The following DOCK1 variants were observed in gnomAD, a reference collection of about 807,000 sequenced individuals.
The protein encoded by DOCK1 is dedicator of cytokinesis protein 1.
DOCK1 carries 138 observed loss-of-function variants against 262.7 expected under a neutral mutation model. The observed-to-expected ratio is 0.53, with a 90% CI of 0.46 to 0.61. The LOEUF is 0.61. DOCK1 is among the 20% of genes least tolerant of loss of function. The pLI is 0.00. For missense variants in DOCK1, 1,908 were observed against 2,370.7 expected, an observed-to-expected ratio of 0.80 and a Z score of 4.05; for synonymous variants, 866 against 867.4, an observed-to-expected ratio of 1.00 and a Z score of 0.03.
chr10:127,410,805 G>C (rs2067801034), intron 42 of DOCK1, 35 bp from the exon 43 acceptor site: 2 of 1,602,276 alleles, frequency 1.2e-6, no homozygotes, highest in Non-Finnish European at 8.5e-7. Flanking sequence ...TATTTGCCGG[G>C]TTAAATATCT....
chr10:126,930,773 G>A (rs967495816), intron 1 of DOCK1, among the ~76,000 whole-genome samples: 1 of 152,246 alleles, frequency 6.6e-6, no homozygotes, highest in Admixed American at 6.5e-5. Context: ...GATTGCATTA[G>A]CCATGGCAGA....
chr10:126,939,531 A>C (rs1374142716), intron 1 of DOCK1, among the ~76,000 whole-genome samples: 1 of 152,198 alleles, frequency 6.6e-6, no homozygotes, highest in African/African-American at 2.4e-5. Flanking sequence ...TTTTACTTTA[A>C]CTTAAAGTTA....
intron 13 of DOCK1, among the ~76,000 whole-genome samples, chr10:127,019,487 G>T (rs1437252683): frequency 6.6e-6 from 1 of 152,132 alleles, no homozygotes; most frequent in Non-Finnish European, 1.5e-5. Context: ...AGTGGCTCAT[G>T]CCTGTAATCC....
chr10:126,987,627 T>C lies in DOCK1; in HGVS notation c.324+10T>C, dbSNP rs1476007337. On this transcript the variant is annotated intron_variant, in intron 5 of 51. Transcript: ENST00000623213. ...GAGGCAGCTCTACGTGGTGAGAAAA[T>C]GAGATATTCATTCAAAGCTTAGAAA... is the stretch of plus-strand genomic sequence containing the variant. 19 of 1,548,584 alleles carry C rather than the reference T, an allele frequency of 1.2e-5. No individual in the cohort carries two copies. The highest frequency in any genetic ancestry group is 1.7e-5 in the Non-Finnish European group (19 of 1,144,422).
At chr10:126,966,506 C>G (rs936983555) in intron 1 of DOCK1, among the ~76,000 whole-genome samples, 89,685 of 152,020 alleles carry the variant, frequency 0.59, 27,154 homozygotes, top group African/African-American at 0.72. Flanking sequence ...ATATTCCCAC[C>G]GAGTGTCTAA....
intron 27 of DOCK1, among the ~76,000 whole-genome samples, chr10:127,212,474 C>G (rs1293834093): frequency 2.0e-5 from 3 of 152,154 alleles, no homozygotes; most frequent in Non-Finnish European, 2.9e-5. Flanking sequence ...CTCTAGTATT[C>G]AAAGCCTTTG....
chr10:127,109,740 T>C (rs1028685005), intron 24 of DOCK1, among the ~76,000 whole-genome samples: 1 of 152,228 alleles, frequency 6.6e-6, no homozygotes, highest in Non-Finnish European at 1.5e-5. Flanking sequence ...GTGGCTATAC[T>C]GCATTTTGTT....
At chr10:127,008,916 G>T (rs1052962893) in intron 11 of DOCK1, 112 bp downstream of exon 11, 2 of 1,102,650 alleles carry the variant, frequency 1.8e-6, no homozygotes, top group Admixed American at 5.4e-5. Context: ...TGATTATTTT[G>T]TAATTATGAA....
At chr10:127,116,778 A>C (rs552442270) in intron 25 of DOCK1, among the ~76,000 whole-genome samples, 1 of 152,184 alleles carries the variant, frequency 6.6e-6, no homozygotes, top group Non-Finnish European at 1.5e-5. Flanking sequence ...AGAAGGAAAA[A>C]TTGGGGTTGG....
At chr10:127,292,037 CTG>C (rs1242027174) in intron 29 of DOCK1, among the ~76,000 whole-genome samples, 3 of 152,172 alleles carry the variant, frequency 2.0e-5, no homozygotes, top group African/African-American at 7.2e-5. Flanking sequence ...CTTGGAAAGT[CTG>C]TGTGTCCAAA....
At position 127,361,106 on chromosome 10, in the gene DOCK1, C is replaced by CTTTTTT. The variant is rs1175942298; in HGVS notation, c.3284-938_3284-933dup. Reference sequence around the variant, plus strand: ...GTGAAATGAGATTAATAAAGTAGTTCTTTTTTTTTTTTTTTTTTTTTTTTT... The same window carrying CTTTTTT: ...GTGAAATGAGATTAATAAAGTAGTTCTTTTTTTTTTTTTTTTTTTTTTTTTTTTTTT... On this transcript the variant is annotated intron_variant, in intron 32 of 51. Coordinates refer to ENST00000623213, the MANE Select transcript of DOCK1 (RefSeq NM_001290223.2). 4.1e-4 allele frequency among the ~76,000 whole-genome samples: 36 copies of CTTTTTT among 87,426 alleles called. 1 individual carries two copies. Among genetic ancestry groups the CTTTTTT allele is most frequent in the African/African-American group, 9.1e-4 (19 of 20,814 alleles). 57.4% of individuals were successfully genotyped at this position (87,426 alleles called of 152,430 possible).
chr10:127,074,564 G>C (rs1490801218), intron 23 of DOCK1, among the ~76,000 whole-genome samples: 1 of 152,036 alleles, frequency 6.6e-6, no homozygotes, highest in East Asian at 1.9e-4. Context: ...ATTCAATATG[G>C]TACATTGAAT....
chr10:127,233,806 C>T (rs146591644), intron 27 of DOCK1, among the ~76,000 whole-genome samples: 3 of 152,304 alleles, frequency 2.0e-5, no homozygotes, highest in African/African-American at 7.2e-5. Context: ...TATAGTTTGA[C>T]CTTACATATA....
At chr10:127,097,464 A>G (rs181335229) in intron 23 of DOCK1, among the ~76,000 whole-genome samples, 31 of 152,280 alleles carry the variant, frequency 2.0e-4, no homozygotes, top group East Asian at 1.4e-3. Flanking sequence ...TCAGTGCTCA[A>G]TGAATGGTTG....
chr10:127,130,412 G>A lies in DOCK1; in HGVS notation c.2847+2648G>A, dbSNP rs563214211. On this transcript the variant is annotated intron_variant, in intron 27 of 51. Coordinates refer to ENST00000623213, the MANE Select transcript of DOCK1 (RefSeq NM_001290223.2). ...TATTTAGGGTCTTTATGCTAGGTGT[G>A]TGTTCACTTGACTTGTAGCCCACTG... Among the ~76,000 whole-genome samples, 9 of 152,228 alleles carry A rather than the reference G, an allele frequency of 5.9e-5. 1 individual carries two copies. In the South Asian group the frequency reaches 1.9e-3, roughly 32 times the overall value.
At chr10:127,363,015 A>ACACACACATACACATGCACATCCC (rs2064667690) in intron 33 of DOCK1, among the ~76,000 whole-genome samples, 2 of 35,286 alleles carry the variant, frequency 5.7e-5, no homozygotes, top group African/African-American at 3.4e-4. Context: ...GCACATCCCC[A>ACACACACATACACATGCACATCCC]CACACACACA....
At chr10:127,007,892 CG>C (rs2041155118) in intron 10 of DOCK1, among the ~76,000 whole-genome samples, 1 of 152,106 alleles carries the variant, frequency 6.6e-6, no homozygotes, top group South Asian at 2.1e-4. Context: ...CTTGAAAGAG[CG>C]TCCACAGATA....
chr10:127,046,929 A>AC (rs1389245587), intron 21 of DOCK1, among the ~76,000 whole-genome samples: 2 of 152,080 alleles, frequency 1.3e-5, no homozygotes, highest in African/African-American at 2.4e-5. Flanking sequence ...TGCTGTCAGT[A>AC]CCCCAGCAGA....
chr10:127,365,819 C>A (rs1255200600), intron 33 of DOCK1, among the ~76,000 whole-genome samples: 1 of 152,130 alleles, frequency 6.6e-6, no homozygotes, highest in African/African-American at 2.4e-5. Flanking sequence ...TTTGCAGGGG[C>A]CCCAGGTTTG....
Sources: gnomAD v4.1 joint callset for allele counts (sites outside exome capture counted in the v4.1 genomes callset) on GRCh38, gnomAD v4.1.1 for gene constraint, MANE v1.5 for transcripts, NCBI Gene and HGNC (gene_info 2026-07-23, HGNC 2026-07-21) for gene names.